QTMAN: variants seen among roughly 807,000 people sequenced by gnomAD.
QTMAN encodes queuosine-tRNA mannosyltransferase.
At chr2:144,302,242 T>A in the QTMAN span, among the ~76,000 whole-genome samples, 17 of 151,466 alleles carry the variant, frequency 1.1e-4, no homozygotes, top group Admixed American at 7.2e-4. Flanking sequence ...TATATATATA[T>A]AATTATATAC....
the QTMAN span, among the ~76,000 whole-genome samples, chr2:144,086,393 C>T: frequency 3.3e-5 from 5 of 152,232 alleles, no homozygotes; most frequent in South Asian, 2.1e-4. Flanking sequence ...GTAATCTTCC[C>T]GCCTTGGCAA....
chr2:144,242,604 G>C, the QTMAN span, among the ~76,000 whole-genome samples: 12 of 152,172 alleles, frequency 7.9e-5, no homozygotes, highest in African/African-American at 2.9e-4. Context: ...CCAATTGTTA[G>C]CAATGACTGT....
At chr2:144,303,180 G>C in the QTMAN span, among the ~76,000 whole-genome samples, 1 of 152,128 alleles carries the variant, frequency 6.6e-6, no homozygotes, top group Non-Finnish European at 1.5e-5. Context: ...TTTTCACAGA[G>C]AGCACTGAAG....
chr2:144,275,179 T>TTGAGACCATCCTGGCTAA, the QTMAN span, among the ~76,000 whole-genome samples: 1 of 151,994 alleles, frequency 6.6e-6, no homozygotes, highest in Non-Finnish European at 1.5e-5. Flanking sequence ...GATCCAGAGA[T>TTGAGACCATCCTGGCTAA]TGAGACCATC....
the QTMAN span, among the ~76,000 whole-genome samples, chr2:144,155,102 C>T: frequency 6.6e-6 from 1 of 152,180 alleles, no homozygotes; most frequent in African/African-American, 2.4e-5. Flanking sequence ...ACACCCAACA[C>T]GATTCTATGA....
the QTMAN span, among the ~76,000 whole-genome samples, chr2:144,022,179 G>C: frequency 1.3e-5 from 2 of 152,046 alleles, no homozygotes; most frequent in Admixed American, 1.3e-4. Context: ...AAATCTCTCT[G>C]AATATTGCCT....
the QTMAN span, among the ~76,000 whole-genome samples, chr2:144,192,691 T>G: frequency 1.3e-5 from 2 of 152,244 alleles, no homozygotes; most frequent in South Asian, 2.1e-4. Flanking sequence ...GACAATGCTT[T>G]CAGCATATTT....
At chr2:144,223,278 A>T in the QTMAN span, among the ~76,000 whole-genome samples, 1 of 152,144 alleles carries the variant, frequency 6.6e-6, no homozygotes, top group South Asian at 2.1e-4. Context: ...AAAAAAACTA[A>T]TAAAATATGA....
chr2:143,991,772 TGGGA>T, the QTMAN span, among the ~76,000 whole-genome samples: 1 of 117,214 alleles, frequency 8.5e-6, no homozygotes, highest in African/African-American at 3.3e-5. Flanking sequence ...CCGCCCCGTC[TGGGA>T]GGGAGGTGGG....
the QTMAN span, among the ~76,000 whole-genome samples, chr2:143,961,641 T>A: frequency 2.0e-5 from 3 of 152,122 alleles, no homozygotes; most frequent in Admixed American, 6.6e-5. Context: ...TCTTGAGAGA[T>A]GTTTTGGGAG....
chr2:144,242,489 G>A, the QTMAN span, among the ~76,000 whole-genome samples: 2 of 152,098 alleles, frequency 1.3e-5, no homozygotes. Context: ...GTAAGCTTCT[G>A]ACTCAGGGCA....
chr2:144,259,586 C>G, the QTMAN span, among the ~76,000 whole-genome samples: 1 of 152,232 alleles, frequency 6.6e-6, no homozygotes, highest in East Asian at 1.9e-4. Flanking sequence ...TTTTGCTATT[C>G]AGGAACAAAT....
At chr2:144,264,175 T>C in the QTMAN span, among the ~76,000 whole-genome samples, 15 of 152,330 alleles carry the variant, frequency 9.8e-5, no homozygotes, top group Admixed American at 6.5e-5. Flanking sequence ...GGATAAATTA[T>C]ATGATCTCCT....
the QTMAN span, among the ~76,000 whole-genome samples, chr2:144,009,380 T>TAGGGCTGAAAGCA: frequency 6.6e-6 from 1 of 151,956 alleles, no homozygotes. Context: ...GGGCGTTAAA[T>TAGGGCTGAAAGCA]AGGGCTGAAA....
the QTMAN span, among the ~76,000 whole-genome samples, chr2:144,312,903 C>G: frequency 2.6e-5 from 4 of 152,192 alleles, no homozygotes; most frequent in African/African-American, 7.2e-5. Flanking sequence ...CCCAGCCATG[C>G]AGAACTGTGA....
At chr2:144,240,265 G>C in the QTMAN span, among the ~76,000 whole-genome samples, 1 of 152,184 alleles carries the variant, frequency 6.6e-6, no homozygotes, top group Non-Finnish European at 1.5e-5. Flanking sequence ...CATTTGCATA[G>C]GGATTTATAA....
the QTMAN span, among the ~76,000 whole-genome samples, chr2:144,301,198 C>T: frequency 6.6e-6 from 1 of 152,056 alleles, no homozygotes; most frequent in East Asian, 1.9e-4. Flanking sequence ...AAAAGATGTA[C>T]CTTTTTTGTT....
At chr2:144,278,351 G>C in the QTMAN span, among the ~76,000 whole-genome samples, 1 of 152,126 alleles carries the variant, frequency 6.6e-6, no homozygotes, top group African/African-American at 2.4e-5. Context: ...TGATTTCTAA[G>C]TGCAAAGAGT....
At chr2:144,004,048 T>C in the QTMAN span, among the ~76,000 whole-genome samples, 1 of 152,034 alleles carries the variant, frequency 6.6e-6, no homozygotes, top group Non-Finnish European at 1.5e-5. Flanking sequence ...CTTTCTCCTT[T>C]AGGTTTACAT....
Sources: gnomAD v4.1 joint callset for allele counts (sites outside exome capture counted in the v4.1 genomes callset) on GRCh38, gnomAD v4.1.1 for gene constraint, MANE v1.5 for transcripts, NCBI Gene and HGNC (gene_info 2026-07-23, HGNC 2026-07-21) for gene names.